SNX10: variants seen among roughly 807,000 people sequenced by gnomAD.
SNX10 encodes sorting nexin-10.
SNX10 carries 25 observed loss-of-function variants against 28.5 expected under a neutral mutation model. The ratio of observed to expected loss-of-function variants is 0.88; its 90% CI spans 0.64 to 1.22. The LOEUF (loss-of-function observed/expected upper bound fraction) is 1.22. Ranked by LOEUF, SNX10 falls within the 50% of genes most tolerant of loss-of-function variation. The probability of loss-of-function intolerance (pLI) is 0.00; values close to 1 mark genes in which losing one functional copy is unlikely to be tolerated. For synonymous variants in SNX10, 62 were observed against 81.4 expected (o/e 0.76, Z 1.28); for missense variants, 223 against 242.6 (o/e 0.92, Z 0.54).
At position 26,364,600 on chromosome 7, in the gene SNX10, GC is replaced by G; in HGVS notation, c.178del (p.Leu60Ter). The G allele has an allele frequency of 6.2e-7, 1 of 1,613,942 alleles. No individual in the cohort carries two copies. The highest frequency in any genetic ancestry group is 8.5e-7 in the Non-Finnish European group (1 of 1,179,876). ...VRRRYREFVW[L>X]RQRLQSNALL... is the part of the protein sequence containing the mutation. ...GAAGAAGATATAGAGAATTCGTGTG[GC>G]TGAGGCAGAGACTCCAAAGTAATGC... On this transcript the variant is annotated frameshift_variant, in exon 4 of 7. Transcript: ENST00000338523. LOFTEE classifies it high-confidence loss of function. The surrounding 1 kb of genome is among the most constrained non-coding windows in gnomAD (Gnocchi z 4.9).
chr7:26,319,059 G>C (rs1486216938), intron 1 of SNX10, among the ~76,000 whole-genome samples: 2 of 152,194 alleles, frequency 1.3e-5, no homozygotes, highest in Non-Finnish European at 2.9e-5. Context: ...TATTGGAGAT[G>C]ATCAAACCCC....
At chr7:26,319,244 T>C (rs539836175) in intron 1 of SNX10, among the ~76,000 whole-genome samples, 1 of 152,328 alleles carries the variant, frequency 6.6e-6, no homozygotes, top group Non-Finnish European at 1.5e-5. Flanking sequence ...TAGGCTATTA[T>C]CTCCTCCTTG....
chr7:26,366,914 T>C (rs1280870659), intron 5 of SNX10, among the ~76,000 whole-genome samples: 1 of 152,222 alleles, frequency 6.6e-6, no homozygotes, highest in African/African-American at 2.4e-5. Flanking sequence ...TATTTTTGCA[T>C]AGTGCATGGT....
intron 1 of SNX10, among the ~76,000 whole-genome samples, chr7:26,303,033 G>A (rs1334821698): frequency 1.3e-5 from 2 of 152,216 alleles, no homozygotes; most frequent in African/African-American, 4.8e-5. Flanking sequence ...AAGGAAGGGA[G>A]ATCAGAGGTA....
chr7:26,300,740 C>A (rs1199656325), intron 1 of SNX10, among the ~76,000 whole-genome samples: 1 of 152,108 alleles, frequency 6.6e-6, no homozygotes, highest in Non-Finnish European at 1.5e-5. Context: ...AAGAATTAGG[C>A]CGAGCACCGT....
Position 26,371,834 on chromosome 7 carries a change from G to T in SNX10, c.325G>T (p.Ala109Ser), listed in dbSNP as rs1231263419. The T allele has an allele frequency of 2.5e-6, 4 of 1,610,690 alleles. No homozygotes were observed. The highest frequency in any genetic ancestry group is 3.4e-6 in the Non-Finnish European group (4 of 1,177,402). The change falls in exon 6 of 7, where the codon GCA becomes TCA. Residue 109 changes from alanine (A) to serine (S), a missense_variant. Physicochemically the swap from Ala to Ser is moderately conservative, Grantham distance 99. Coordinates refer to ENST00000338523, the MANE Select transcript of SNX10 (RefSeq NM_013322.3). Reference sequence around the variant, plus strand: ...TTTTTAATATAGAGTCCTACAGAATGCACTTTTGCTTTCAGATAGCAGCCT... The same window carrying T: ...TTTTTAATATAGAGTCCTACAGAATTCACTTTTGCTTTCAGATAGCAGCCT... Reference protein sequence around the residue: ...EDFLRKVLQNALLLSDSSLHL... With the variant: ...EDFLRKVLQNSLLLSDSSLHL...
chr7:26,328,429 C>T lies in SNX10; in HGVS notation c.-23-17991C>T, dbSNP rs554662131. On this transcript the variant is annotated intron_variant, in intron 1 of 6. Transcript: ENST00000338523. ...TAAGTTTGAGGTGTGTGCAGAATGT[C>T]CGCATGAAGAGACCGCTAGGAGGTG... 4.5e-4 allele frequency among the ~76,000 whole-genome samples: 69 copies of T among 152,292 alleles called. 1 individual carries two copies. Among genetic ancestry groups the T allele is most frequent in the Non-Finnish European group, 6.6e-4 (45 of 68,016 alleles).
chr7:26,355,433 G>A (rs374429682), intron 2 of SNX10, among the ~76,000 whole-genome samples: 13 of 152,250 alleles, frequency 8.5e-5, no homozygotes, highest in East Asian at 7.7e-4. Flanking sequence ...TCTTTACTAT[G>A]TTGCGTCTTC....
At chr7:26,363,844 T>C (rs1789181839) in intron 3 of SNX10, among the ~76,000 whole-genome samples, 1 of 152,200 alleles carries the variant, frequency 6.6e-6, no homozygotes, top group Non-Finnish European at 1.5e-5. Context: ...GTGAATTAGA[T>C]ATATACTAGT....
intron 2 of SNX10, among the ~76,000 whole-genome samples, chr7:26,354,687 T>C (rs1421983401): frequency 1.3e-5 from 1 of 76,554 alleles, no homozygotes; most frequent in Non-Finnish European, 2.9e-5. Flanking sequence ...GTCTGATAGT[T>C]TTGTTTTTTT....
intron 1 of SNX10, among the ~76,000 whole-genome samples, chr7:26,312,698 C>T (rs1293505617): frequency 2.0e-5 from 3 of 152,126 alleles, no homozygotes; most frequent in South Asian, 2.1e-4. Flanking sequence ...GCAAGAGAAT[C>T]GCTTGAACCC....
intron 1 of SNX10, among the ~76,000 whole-genome samples, chr7:26,337,761 C>A (rs990575694): frequency 6.6e-6 from 1 of 152,208 alleles, no homozygotes; most frequent in South Asian, 2.1e-4. Flanking sequence ...GTGAATAATA[C>A]TGCTGTGGAT....
intron 1 of SNX10, among the ~76,000 whole-genome samples, chr7:26,311,397 C>A (rs1219902872): frequency 1.3e-5 from 2 of 152,152 alleles, no homozygotes; most frequent in Non-Finnish European, 2.9e-5. Context: ...GCGATTCTCC[C>A]GCCTCGGCCT....
intron 5 of SNX10, among the ~76,000 whole-genome samples, chr7:26,370,901 A>G (rs1244752227): frequency 6.6e-6 from 1 of 152,210 alleles, no homozygotes; most frequent in Non-Finnish European, 1.5e-5. Flanking sequence ...CTAAATGATC[A>G]TATGTCAACA....
Position 26,360,980 on chromosome 7 carries a change from TGTAA to T in SNX10, c.33_36del (p.Val13GlyfsTer32). ...TGTTTATGATGCCATTACAGGAATT[TGTAA>T]GTGTCTGGGTTCGAGATCCTAGGAT... On this transcript the variant is annotated frameshift_variant, in exon 3 of 7. Transcript: ENST00000338523. LOFTEE classifies it high-confidence loss of function. The T allele has an allele frequency of 6.2e-7, 1 of 1,613,310 alleles. No homozygotes were observed. Among genetic ancestry groups the T allele is most frequent in the Non-Finnish European group, 8.5e-7 (1 of 1,179,794 alleles).
At chr7:26,333,322 CTTTTTTT>C (rs10636369) in intron 1 of SNX10, among the ~76,000 whole-genome samples, 1 of 113,702 alleles carries the variant, frequency 8.8e-6, no homozygotes, top group East Asian at 2.4e-4. Flanking sequence ...GTATTTTATT[CTTTTTTT>C]TTTTTTTTTT....
At chr7:26,367,104 G>A (rs112350390) in intron 5 of SNX10, among the ~76,000 whole-genome samples, 67 of 151,964 alleles carry the variant, frequency 4.4e-4, no homozygotes, top group African/African-American at 1.4e-3. Context: ...CTATAGAGTG[G>A]GATAATAGTA....
chr7:26,350,494 TCGGAAACTGAC>T (rs1788554037), intron 2 of SNX10, among the ~76,000 whole-genome samples: 1 of 152,210 alleles, frequency 6.6e-6, no homozygotes, highest in Non-Finnish European at 1.5e-5. Flanking sequence ...CTTTTGATAT[TCGGAAACTGAC>T]TGGAAACTGA....
At chr7:26,329,091 A>C (rs1026045535) in intron 1 of SNX10, among the ~76,000 whole-genome samples, 1 of 152,152 alleles carries the variant, frequency 6.6e-6, no homozygotes. Flanking sequence ...GGATCCTGTT[A>C]AAACATAAGT....
Sources: allele counts gnomAD v4.1 joint callset (sites outside exome capture counted in the v4.1 genomes callset), GRCh38; gene constraint gnomAD v4.1.1; non-coding constraint Gnocchi (gnomAD v3.1); transcripts MANE v1.5; gene names NCBI Gene and HGNC (gene_info 2026-07-23, HGNC 2026-07-21).